Variants in CALCA observed in about 807,000 individuals in gnomAD.
CALCA encodes the protein calcitonin related polypeptide alpha, also known as calcitonin.
In CALCA, 4 loss-of-function variants were observed where a neutral mutation model predicts 6.9. The ratio of observed to expected loss-of-function variants is 0.58; its 90% CI spans 0.29 to 1.33. The LOEUF (loss-of-function observed/expected upper bound fraction) is 1.33. CALCA is among the 40% of genes most tolerant of loss of function. CALCA has a pLI of 0.09. For synonymous variants in CALCA, 78 were observed against 70.0 expected (o/e 1.11, Z -0.57); for missense variants, 174 against 178.3 (o/e 0.98, Z 0.14).
downstream of CALCA, chr11:14,968,373 G>A: frequency 2.0e-5 from 20 of 1,010,536 alleles, no homozygotes; most frequent in Non-Finnish European, 2.5e-5. Context: ...GCTTGAGCTT[G>A]GTCAAAGGGA....
intron 2 of CALCA, among the ~76,000 whole-genome samples, chr11:14,970,383 C>T (rs1394782493): frequency 6.6e-6 from 1 of 152,180 alleles, no homozygotes; most frequent in African/African-American, 2.4e-5. Flanking sequence ...AGTGCTGAAC[C>T]TGAAAATAGT....
downstream of CALCA, chr11:14,967,174 T>C (rs1849475908): frequency 6.2e-6 from 1 of 160,442 alleles, no homozygotes; most frequent in African/African-American, 2.4e-5. Flanking sequence ...TTACCTCACT[T>C]GCTCTTTATA....
chr11:14,969,627 T>C (rs1376639024), intron 3 of CALCA, among the ~76,000 whole-genome samples: 2 of 152,146 alleles, frequency 1.3e-5, no homozygotes, highest in Non-Finnish European at 2.9e-5. Context: ...TCTTAACTCA[T>C]CCAGTGCTGG....
intron 3 of CALCA, among the ~76,000 whole-genome samples, chr11:14,969,384 C>G (rs1169963369): frequency 6.6e-6 from 1 of 152,118 alleles, no homozygotes. Context: ...TCCCTGGCCT[C>G]CTGACAACAT....
chr11:14,969,337 A>C (rs1330410450), intron 3 of CALCA, among the ~76,000 whole-genome samples: 1 of 152,114 alleles, frequency 6.6e-6, no homozygotes, highest in Non-Finnish European at 1.5e-5. Flanking sequence ...GCTCAGGCTC[A>C]AGGTACACAG....
intron 2 of CALCA, among the ~76,000 whole-genome samples, 189 bp downstream of exon 2, chr11:14,970,918 A>G (rs930775509): frequency 3.9e-5 from 6 of 152,136 alleles, no homozygotes; most frequent in African/African-American, 1.4e-4. Flanking sequence ...TATAATGAAG[A>G]ATATTGTCTA....
intron 2 of CALCA, among the ~76,000 whole-genome samples, chr11:14,970,607 A>C (rs1849579201): frequency 6.6e-6 from 1 of 152,198 alleles, no homozygotes; most frequent in Non-Finnish European, 1.5e-5. Context: ...GGCTATATAA[A>C]ATTTATAATA....
downstream of CALCA, chr11:14,968,385 C>A (rs1849506017): frequency 1.3e-5 from 14 of 1,105,512 alleles, no homozygotes; most frequent in South Asian, 2.0e-5. Flanking sequence ...TCAAAGGGAC[C>A]ACCCACCATA....
At chr11:14,969,050 G>T (rs2133581284) in intron 3 of CALCA, 53 bp from the exon 4 acceptor site, 1 of 1,556,226 alleles carries the variant, frequency 6.4e-7, no homozygotes, top group East Asian at 2.2e-5. Flanking sequence ...CTGTCCCCAT[G>T]GGCAGTCACT....
intron 2 of CALCA, 104 bp from the exon 3 acceptor site, chr11:14,970,179 T>A: frequency 1.3e-6 from 2 of 1,510,588 alleles, no homozygotes; most frequent in Non-Finnish European, 1.8e-6. Context: ...CCTGAGGATG[T>A]GGCCAGCGGG....
In CALCA at chr11:14,968,660, CA is replaced by C; in HGVS notation, c.*138del. ...CTGTGAGTCCTGCTCTCTTTCCTCCCATCTGAAGTTTGAGACATCCTCTGCC... is the reference window on the plus strand; with the variant it reads ...CTGTGAGTCCTGCTCTCTTTCCTCCCTCTGAAGTTTGAGACATCCTCTGCC... On this transcript the variant is annotated 3_prime_UTR_variant, in exon 4 of 4. Transcript: ENST00000331587. The C allele has an allele frequency of 1.2e-6, 2 of 1,603,670 alleles. No homozygotes were observed. The highest frequency in any genetic ancestry group is 1.7e-6 in the Non-Finnish European group (2 of 1,175,646).
chr11:14,970,017 G>A lies in CALCA; in HGVS notation c.145C>T (p.Leu49Phe), dbSNP rs782583738. The change falls in exon 3 of 4, where the codon CTC (leucine) becomes TTC (phenylalanine). Residue 49 changes from leucine to phenylalanine, a missense_variant. Coordinates refer to ENST00000331587, the MANE Select transcript of CALCA (RefSeq NM_001741.3). ...TCCTGCACCAGTGCAGCCAGCAGGA[G>A]GCGCGCTTCGTCCTCACTGAGCGTG... ...PATLSEDEAR[L>F]LLAALVQDYV... is the part of the protein sequence containing the mutation. 2 of 1,614,118 alleles carry A rather than the reference G, an allele frequency of 1.2e-6. No individual in the cohort carries two copies. Among genetic ancestry groups the A allele is most frequent in the East Asian group, 2.2e-5 (1 of 44,892 alleles).
intron 2 of CALCA, among the ~76,000 whole-genome samples, chr11:14,970,355 A>G (rs1253012554): frequency 6.6e-6 from 1 of 152,248 alleles, no homozygotes; most frequent in Admixed American, 6.5e-5. Context: ...TAAAAATTAA[A>G]TGCAAAAACT....
chr11:14,968,294 A>G (rs1197374685), downstream of CALCA: 27 of 359,254 alleles, frequency 7.5e-5, no homozygotes, highest in Non-Finnish European at 1.3e-4. Context: ...CTTACCTGGA[A>G]GAGGAGCGGA....
chr11:14,968,141 T>G (rs932799365), downstream of CALCA: 4 of 484,040 alleles, frequency 8.3e-6, no homozygotes, highest in Non-Finnish European at 1.5e-5. Flanking sequence ...CTGTATAAAT[T>G]AACTAAAAAT....
At chr11:14,966,853 G>A (rs140630739), downstream of CALCA, 9 of 152,722 alleles carry the variant, frequency 5.9e-5, no homozygotes, top group African/African-American at 1.9e-4. Context: ...GGTGGCTGAC[G>A]GGGCCTAGAT....
chr11:14,968,451 C>T (rs1311480774), downstream of CALCA: 3 of 1,213,952 alleles, frequency 2.5e-6, no homozygotes, highest in Non-Finnish European at 3.1e-6. Context: ...GTCTTAGACA[C>T]TATGAAGCCT....
At chr11:14,968,477 G>A (rs1849508594), downstream of CALCA, 14 of 1,238,488 alleles carry the variant, frequency 1.1e-5, no homozygotes, top group South Asian at 2.0e-4. Flanking sequence ...ATAGATCAGA[G>A]CAATGACCAC....
In CALCA at chr11:14,968,882, C is replaced by G; in HGVS notation, c.343G>C (p.Ala115Pro). ...TFPQTAIGVG[A>P]PGKKRDMSSD... ...GACATATCCCTTTTCTTTCCAGGTG[C>G]TCCAACCCCAATTGCAGTTTGGGGG... Residue 115 changes from alanine (A) to proline (P), a missense_variant, in exon 4 of 4, where the codon GCA becomes CCA. Physicochemically the swap from Ala to Pro is conservative, Grantham distance 27 (BLOSUM62 -1). Coordinates refer to ENST00000331587, the MANE Select transcript of CALCA (RefSeq NM_001741.3). 6.2e-7 allele frequency: 1 copy of G among 1,614,174 alleles called. No individual in the cohort carries two copies. The highest frequency in any genetic ancestry group is 8.5e-7 in the Non-Finnish European group (1 of 1,180,030).
Sources: allele counts gnomAD v4.1 joint callset (sites outside exome capture counted in the v4.1 genomes callset), GRCh38; gene constraint gnomAD v4.1.1; transcripts MANE v1.5; gene names NCBI Gene and HGNC (gene_info 2026-07-23, HGNC 2026-07-21).